The following ANO3 variants were observed in gnomAD, a reference collection of about 807,000 sequenced individuals.
The protein encoded by ANO3 is anoctamin-3.
ANO3 carries 99 observed loss-of-function variants against 144.8 expected under a neutral mutation model. That is an observed-to-expected ratio of 0.68 (90% CI 0.58 to 0.81). ANO3 has a LOEUF of 0.81. ANO3 is among the 30% of genes least tolerant of loss of function. ANO3 has a pLI of 0.00. For missense variants in ANO3, 905 were observed against 1,202.2 expected, an observed-to-expected ratio of 0.75 and a Z score of 3.66; for synonymous variants, 414 against 392.6, an observed-to-expected ratio of 1.05 and a Z score of -0.64.
At chr11:26,406,511 A>G (rs1251630796) in intron 1 of ANO3, among the ~76,000 whole-genome samples, 5 of 151,858 alleles carry the variant, frequency 3.3e-5, no homozygotes. Flanking sequence ...GGTCCTTGGA[A>G]AACCAGTTTG....
At chr11:26,478,948 CA>C (rs1422719366) in intron 4 of ANO3, among the ~76,000 whole-genome samples, 20 of 152,146 alleles carry the variant, frequency 1.3e-4, no homozygotes, top group African/African-American at 4.8e-4. Context: ...ATGTGTTGCC[CA>C]ATTCATGAAC....
chr11:26,205,443 T>C (rs1320996635), intron 1 of ANO3, among the ~76,000 whole-genome samples: 1 of 152,192 alleles, frequency 6.6e-6, no homozygotes, highest in Admixed American at 6.5e-5. Flanking sequence ...TGAGTGTGTC[T>C]CATTATAAAG....
chr11:26,293,560 T>TATATAG (rs373230575), intron 1 of ANO3, among the ~76,000 whole-genome samples: 55 of 139,818 alleles, frequency 3.9e-4, no homozygotes, highest in Admixed American at 1.4e-3. Flanking sequence ...TATATATATA[T>TATATAG]ATATATATAT....
rs537675880 is a variant in ANO3 at position 26,404,036 on chromosome 11, C to T, written c.47-37882C>T. On this transcript the variant is annotated intron_variant, in intron 1 of 26. Coordinates refer to ENST00000256737, the MANE Select transcript of ANO3 (RefSeq NM_031418.4). ...ATGCCATGCTTTTTGTCTTTTTTTC[C>T]GAATGCTTTTAAATGCCTTACATTG... Among the ~76,000 whole-genome samples, 14 of 151,642 alleles carry T rather than the reference C, an allele frequency of 9.2e-5. No individual in the cohort carries two copies. In the East Asian group the frequency reaches 9.8e-4, roughly 11 times the overall value.
intron 1 of ANO3, among the ~76,000 whole-genome samples, chr11:26,314,323 G>A (rs1430623135): frequency 6.6e-6 from 1 of 152,098 alleles, no homozygotes; most frequent in Non-Finnish European, 1.5e-5. Context: ...TAATTCAACT[G>A]TTTCCCAATT....
intron 1 of ANO3, among the ~76,000 whole-genome samples, chr11:26,280,997 GTC>G (rs1423390583): frequency 1.3e-5 from 2 of 152,100 alleles, no homozygotes. Context: ...AATAATATCT[GTC>G]TCTATCATTG....
intron 1 of ANO3, among the ~76,000 whole-genome samples, chr11:26,254,138 T>G (rs1169839919): frequency 6.6e-6 from 1 of 152,124 alleles, no homozygotes; most frequent in African/African-American, 2.4e-5. Context: ...AGGTAAAGTG[T>G]TTCCTTCCAA....
chr11:26,584,370 G>T (rs112699534), intron 14 of ANO3, among the ~76,000 whole-genome samples: 476 of 152,236 alleles, frequency 3.1e-3, no homozygotes, highest in African/African-American at 0.011. Context: ...TGGTGGCCAG[G>T]CTGGTCTCCA....
intron 17 of ANO3, among the ~76,000 whole-genome samples, chr11:26,611,557 G>A (rs1852099286): frequency 6.6e-6 from 1 of 152,120 alleles, no homozygotes; most frequent in Non-Finnish European, 1.5e-5. Flanking sequence ...TGTTCTATAT[G>A]CAGTTGAGAA....
At chr11:26,196,767 T>C (rs940917736) in intron 1 of ANO3, among the ~76,000 whole-genome samples, 4 of 152,186 alleles carry the variant, frequency 2.6e-5, no homozygotes, top group African/African-American at 9.6e-5. Context: ...GTCACATAGA[T>C]TTGAACTGAA....
At chr11:26,266,498 A>G (rs899523394) in intron 1 of ANO3, among the ~76,000 whole-genome samples, 8 of 150,274 alleles carry the variant, frequency 5.3e-5, no homozygotes, top group Admixed American at 5.3e-4. Context: ...CAGTGGCGCA[A>G]TCTCGGCTCA....
At chr11:26,489,305 C>G (rs1383078471) in intron 4 of ANO3, among the ~76,000 whole-genome samples, 1 of 152,146 alleles carries the variant, frequency 6.6e-6, no homozygotes, top group Non-Finnish European at 1.5e-5. Context: ...TGCGGGAGCA[C>G]AGAAGAATTG....
intron 14 of ANO3, among the ~76,000 whole-genome samples, chr11:26,592,576 G>A (rs1364683800): frequency 1.3e-5 from 2 of 149,700 alleles, no homozygotes; most frequent in African/African-American, 4.9e-5. Context: ...ATTTGGGCAT[G>A]TGGGTAAAAT....
At chr11:26,398,178 G>A (rs763201507) in intron 1 of ANO3, among the ~76,000 whole-genome samples, 6 of 152,072 alleles carry the variant, frequency 3.9e-5, no homozygotes, top group Non-Finnish European at 7.4e-5. Flanking sequence ...CATCAAAGGA[G>A]AGTGTACCTA....
chr11:26,583,686 T>TG (rs1450747972), intron 14 of ANO3, among the ~76,000 whole-genome samples: 2 of 152,216 alleles, frequency 1.3e-5, no homozygotes, highest in Non-Finnish European at 1.5e-5. Context: ...ACGCAGAACC[T>TG]GTTTAGCAAG....
chr11:26,262,010 G>A (rs1205590763), intron 1 of ANO3, among the ~76,000 whole-genome samples: 1 of 152,138 alleles, frequency 6.6e-6, no homozygotes, highest in Non-Finnish European at 1.5e-5. Context: ...TCAAATGTAA[G>A]GGCCAGTATC....
chr11:26,504,109 T>A (rs938747647), intron 4 of ANO3, among the ~76,000 whole-genome samples: 1 of 152,216 alleles, frequency 6.6e-6, no homozygotes, highest in Non-Finnish European at 1.5e-5. Context: ...TAGATCAGCA[T>A]GGAGATGCCT....
intron 1 of ANO3, among the ~76,000 whole-genome samples, chr11:26,193,370 G>C (rs1851516334): frequency 6.6e-6 from 1 of 151,934 alleles, no homozygotes; most frequent in Non-Finnish European, 1.5e-5. Flanking sequence ...TCAAACTCCT[G>C]ACCTCAGGTG....
chr11:26,488,931 T>A (rs1312851321), intron 4 of ANO3, among the ~76,000 whole-genome samples: 1 of 152,154 alleles, frequency 6.6e-6, no homozygotes, highest in Admixed American at 6.5e-5. Context: ...GTCCACTTTA[T>A]AGAGTGCTGA....
Sources: allele counts gnomAD v4.1 joint callset (sites outside exome capture counted in the v4.1 genomes callset), GRCh38; gene constraint gnomAD v4.1.1; transcripts MANE v1.5; gene names NCBI Gene and HGNC (gene_info 2026-07-23, HGNC 2026-07-21).